Variants in PRDM11 observed in about 807,000 individuals in gnomAD.
PRDM11 encodes the protein PR domain-containing protein 11.
PRDM11 carries 20 observed loss-of-function variants against 97.8 expected under a neutral mutation model. The observed-to-expected ratio is 0.20, with a 90% CI of 0.14 to 0.30. The LOEUF is 0.30. PRDM11 is among the 10% of genes least tolerant of loss of function. The pLI, the probability that PRDM11 is intolerant of heterozygous loss-of-function variation, is 1.00. For synonymous variants in PRDM11, 599 were observed against 637.7 expected, an observed-to-expected ratio of 0.94 and a Z score of 0.91; for missense variants, 1,139 against 1,555.2, an observed-to-expected ratio of 0.73 and a Z score of 4.50.
chr11:45,102,653 C>A (rs754953288), intron 1 of PRDM11, among the ~76,000 whole-genome samples: 31 of 152,114 alleles, frequency 2.0e-4, no homozygotes, highest in Non-Finnish European at 3.7e-4. Context: ...CAGCCTCCTT[C>A]CCCCCTGCCA....
intron 4 of PRDM11, among the ~76,000 whole-genome samples, chr11:45,194,032 CA>C (rs1240059255): frequency 1.3e-5 from 2 of 152,214 alleles, no homozygotes; most frequent in African/African-American, 4.8e-5. Context: ...TTGGCTACAT[CA>C]ATTTCACAGT....
intron 1 of PRDM11, among the ~76,000 whole-genome samples, chr11:45,159,894 C>T (rs535595281): frequency 9.3e-4 from 141 of 152,328 alleles, no homozygotes; most frequent in African/African-American, 3.3e-3. Context: ...GGGCTGGGGG[C>T]TGCAGAAACA....
chr11:45,154,436 C>G (rs1194056996), intron 1 of PRDM11, among the ~76,000 whole-genome samples: 1 of 152,170 alleles, frequency 6.6e-6, no homozygotes, highest in Non-Finnish European at 1.5e-5. Flanking sequence ...AGGAACCTCA[C>G]AGGTCAGAAG....
chr11:45,215,624 G>C (rs1271910050), intron 5 of PRDM11, among the ~76,000 whole-genome samples: 1 of 152,218 alleles, frequency 6.6e-6, no homozygotes, highest in African/African-American at 2.4e-5. Flanking sequence ...AAGATTTTCA[G>C]TTTCTGTTTC....
chr11:45,181,946 G>A (rs1330806118), intron 2 of PRDM11, 61 bp downstream of exon 2: 19 of 1,488,112 alleles, frequency 1.3e-5, no homozygotes, highest in Non-Finnish European at 1.7e-5. Flanking sequence ...CCTGGGCTCG[G>A]TTGGTTGGGA....
intron 1 of PRDM11, among the ~76,000 whole-genome samples, chr11:45,103,214 C>G (rs1852008417): frequency 6.6e-6 from 1 of 152,184 alleles, no homozygotes; most frequent in African/African-American, 2.4e-5. Flanking sequence ...GCCCAGAAAC[C>G]CTGACCACCC....
chr11:45,225,383 A>G (rs914031432), intron 7 of PRDM11, among the ~76,000 whole-genome samples: 5 of 152,146 alleles, frequency 3.3e-5, no homozygotes, highest in Non-Finnish European at 7.3e-5. Flanking sequence ...TCTGTTGGCT[A>G]CCTGGATTTC....
At chr11:45,182,731 C>T in intron 3 of PRDM11, 130 bp from the exon 4 acceptor site, 1 of 1,165,272 alleles carries the variant, frequency 8.6e-7, no homozygotes. Flanking sequence ...TGGGTTATTG[C>T]TACCGATGAC....
chr11:45,128,705 A>G (rs1206354498), intron 1 of PRDM11, among the ~76,000 whole-genome samples: 1 of 152,218 alleles, frequency 6.6e-6, no homozygotes, highest in East Asian at 1.9e-4. Flanking sequence ...AGATAGCTTC[A>G]CTGGAGAATT....
intron 1 of PRDM11, among the ~76,000 whole-genome samples, chr11:45,169,647 T>G (rs1852153603): frequency 1.3e-5 from 2 of 152,224 alleles, no homozygotes; most frequent in South Asian, 4.1e-4. Flanking sequence ...CCCACATGCT[T>G]AGCTTTCCAA....
At chr11:45,146,109 C>G (rs1851501737), upstream of PRDM11, among the ~76,000 whole-genome samples, 1 of 152,170 alleles carries the variant, frequency 6.6e-6, no homozygotes, top group Non-Finnish European at 1.5e-5. Context: ...TTTAACGAAC[C>G]CCAAGCCCCT....
intron 1 of PRDM11, among the ~76,000 whole-genome samples, chr11:45,135,056 G>A (rs1483607123): frequency 6.6e-6 from 1 of 151,846 alleles, no homozygotes; most frequent in African/African-American, 2.4e-5. Context: ...TGAGGCAGGA[G>A]GGTAGTTTGA....
intron 1 of PRDM11, among the ~76,000 whole-genome samples, chr11:45,166,003 C>T (rs962197860): frequency 1.3e-5 from 2 of 152,220 alleles, no homozygotes; most frequent in Non-Finnish European, 1.5e-5. Context: ...AGCCACTTAA[C>T]CTCTCTGAGC....
At chr11:45,168,004 A>G (rs1330629937) in intron 1 of PRDM11, among the ~76,000 whole-genome samples, 1 of 152,246 alleles carries the variant, frequency 6.6e-6, no homozygotes, top group Non-Finnish European at 1.5e-5. Flanking sequence ...AGAACTCAGG[A>G]TTCTGCATTT....
chr11:45,184,090 T>G (rs1214402472), intron 4 of PRDM11, among the ~76,000 whole-genome samples: 2 of 152,152 alleles, frequency 1.3e-5, no homozygotes, highest in African/African-American at 4.8e-5. Flanking sequence ...GAGCTGTGAT[T>G]GAAGGAGGTG....
At chr11:45,225,962 G>A in intron 7 of PRDM11, 33 bp from the exon 8 acceptor site, 2 of 1,455,788 alleles carry the variant, frequency 1.4e-6, no homozygotes, top group Non-Finnish European at 1.8e-6. Flanking sequence ...TTCTCCCCCA[G>A]GTATAAATGT....
At chr11:45,121,476 G>T (rs902089419) in intron 1 of PRDM11, among the ~76,000 whole-genome samples, 1 of 152,044 alleles carries the variant, frequency 6.6e-6, no homozygotes, top group African/African-American at 2.4e-5. Context: ...AAAGAAATGG[G>T]CAAATTCAAA....
intron 4 of PRDM11, among the ~76,000 whole-genome samples, chr11:45,196,531 C>G (rs189775126): frequency 1.4e-4 from 22 of 152,310 alleles, no homozygotes; most frequent in African/African-American, 4.8e-4. Flanking sequence ...TCCTGGATCT[C>G]TCTCTCACCC....
chr11:45,222,732 G>A (rs1854153979), intron 6 of PRDM11, among the ~76,000 whole-genome samples: 1 of 152,234 alleles, frequency 6.6e-6, no homozygotes, highest in Non-Finnish European at 1.5e-5. Context: ...TGGGAAACCA[G>A]ACGTGGAACA....
Sources: allele counts gnomAD v4.1 joint callset (sites outside exome capture counted in the v4.1 genomes callset), GRCh38; gene constraint gnomAD v4.1.1; transcripts MANE v1.5; gene names NCBI Gene and HGNC (gene_info 2026-07-23, HGNC 2026-07-21).